The following EZH1 variants were observed in gnomAD, a reference collection of about 807,000 sequenced individuals.
EZH1 encodes the protein histone-lysine N-methyltransferase EZH1.
A neutral mutation model predicts 100.5 loss-of-function variants in EZH1; 33 were observed. The observed-to-expected ratio is 0.33, with a 90% confidence interval of 0.25 to 0.44. EZH1 has a LOEUF of 0.44. EZH1 is among the 20% of genes least tolerant of loss of function. EZH1 has a pLI of 1.00. For missense variants in EZH1, 475 were observed against 928.4 expected (o/e 0.51, Z 6.35); for synonymous variants, 272 against 313.8 (o/e 0.87, Z 1.41).
At chr17:42,707,303 C>T (rs1382941421) in intron 15 of EZH1, among the ~76,000 whole-genome samples, 1 of 152,044 alleles carries the variant, frequency 6.6e-6, no homozygotes, top group Non-Finnish European at 1.5e-5. Flanking sequence ...CTCTGTTGCC[C>T]AGGCTGGAGT....
intron 1 of EZH1, among the ~76,000 whole-genome samples, chr17:42,733,548 G>A (rs2053998624): frequency 6.6e-6 from 1 of 151,088 alleles, no homozygotes; most frequent in African/African-American, 2.4e-5. Flanking sequence ...GGCTGAGGCA[G>A]GAGACAGCCG....
Position 42,718,219 on chromosome 17 carries a change from A to G in EZH1, c.932-152T>C. On this transcript the variant is annotated intron_variant, in intron 9 of 20. Transcript: ENST00000428826. The surrounding 1 kb of genome is among the most constrained non-coding windows in gnomAD (Gnocchi z 4.2). ...CAAAATTCAGTCATTTCTGACATCAACACAATGCTTTCAAAGCTAAGAGGT... is the reference window on the plus strand; with the variant it reads ...CAAAATTCAGTCATTTCTGACATCAGCACAATGCTTTCAAAGCTAAGAGGT... The G allele has an allele frequency of 1.2e-6, 1 of 851,152 alleles. No homozygotes were observed. Among genetic ancestry groups the G allele is most frequent in the Non-Finnish European group, 1.8e-6 (1 of 548,764 alleles). The allele number at this position is 851,152 out of a possible 1,614,324, so 52.7% of individuals were successfully genotyped here.
Position 42,718,171 on chromosome 17 carries a change from T to A in EZH1, c.932-104A>T. 9.3e-7 allele frequency: 1 copy of A among 1,074,982 alleles called. No homozygotes were observed. The highest frequency in any genetic ancestry group is 1.4e-6 in the Non-Finnish European group (1 of 726,044). The allele number at this position is 1,074,982 out of a possible 1,614,324, so 66.6% of individuals were successfully genotyped here. A position where few individuals can be genotyped will look rare whatever the true frequency, so the allele number is the denominator to read the frequency against. On this transcript the variant is annotated intron_variant, in intron 9 of 20. Transcript: ENST00000428826. This position sits in a 1 kb window ranked among gnomAD's most constrained non-coding sequence, Gnocchi z 4.2. ...CTATTGTAGGAGTTAGAATTCGATA[T>A]AAACGGCTACCATCAGGGTGCACAA...
intron 14 of EZH1, 140 bp from the exon 15 acceptor site, chr17:42,708,223 A>T: frequency 1.0e-6 from 1 of 1,000,494 alleles, no homozygotes; most frequent in South Asian, 1.7e-5. Flanking sequence ...TGAAGTGAGA[A>T]GACAGGGATG....
chr17:42,709,226 A>C, intron 13 of EZH1: 21 of 323,272 alleles, frequency 6.5e-5, no homozygotes, highest in East Asian at 2.1e-4. Flanking sequence ...TTCTCTCCAA[A>C]TCTCTCCCTT....
At position 42,719,223 on chromosome 17, in the gene EZH1, TAAA is replaced by T. The variant is rs1196358760; in HGVS notation, c.665-19_665-17del. ...TTTTTGTTGCCTGAATTGGAAATGA[TAAA>T]AAGCTCCTGAGTGCGATTATCAGAA... On this transcript the variant is annotated splice_polypyrimidine_tract_variant and intron_variant, in intron 7 of 20. Coordinates refer to ENST00000428826, the MANE Select transcript of EZH1 (RefSeq NM_001991.5). 6.3e-7 allele frequency: 1 copy of T among 1,594,576 alleles called. No homozygotes were observed. Among genetic ancestry groups the T allele is most frequent in the South Asian group, 1.1e-5 (1 of 90,624 alleles).
chr17:42,733,712 C>T (rs1196422764), intron 1 of EZH1, among the ~76,000 whole-genome samples: 1 of 148,912 alleles, frequency 6.7e-6, no homozygotes, highest in East Asian at 2.0e-4. Context: ...AAGGCTGAGG[C>T]AGGCAGATCA....
At chr17:42,735,428 G>A (rs2054047236) in intron 1 of EZH1, among the ~76,000 whole-genome samples, 1 of 151,842 alleles carries the variant, frequency 6.6e-6, no homozygotes. Flanking sequence ...CAGATTTGGA[G>A]AGATGGATTC....
At chr17:42,720,241 A>T in intron 7 of EZH1, 32 bp downstream of exon 7, 1 of 1,585,710 alleles carries the variant, frequency 6.3e-7, no homozygotes, top group Non-Finnish European at 8.6e-7. Context: ...CTGTCACTTT[A>T]AAAAAGGAAT....
chr17:42,702,466 AGTG>A lies in EZH1; in HGVS notation c.*63_*65del. ...ACACAGTGCAGGAGACTCGAGCAGCAGTGGTGTGAGCACGAAAGCCAAGACAGT... is the reference window on the plus strand; with the variant it reads ...ACACAGTGCAGGAGACTCGAGCAGCAGTGTGAGCACGAAAGCCAAGACAGT... On this transcript the variant is annotated 3_prime_UTR_variant, in exon 21 of 21. Coordinates refer to ENST00000428826, the MANE Select transcript of EZH1 (RefSeq NM_001991.5). The A allele has an allele frequency of 7.5e-7, 1 of 1,329,756 alleles. No individual in the cohort carries two copies. The highest frequency in any genetic ancestry group is 1.1e-6 in the Non-Finnish European group (1 of 951,902). 82.4% of individuals were successfully genotyped at this position (1,329,756 alleles called of 1,614,324 possible). A position where few individuals can be genotyped will look rare whatever the true frequency, so the allele number is the denominator to read the frequency against.
chr17:42,720,184 C>A (rs2053679102), intron 7 of EZH1, 89 bp downstream of exon 7: 2 of 1,403,324 alleles, frequency 1.4e-6, no homozygotes, highest in South Asian at 2.8e-5. Context: ...GCACCAACAG[C>A]CTTTAATAGG....
At chr17:42,712,557 C>T (rs1044898833) in intron 11 of EZH1, 72 bp from the exon 12 acceptor site, 3 of 1,371,472 alleles carry the variant, frequency 2.2e-6, no homozygotes, top group East Asian at 2.3e-5. Flanking sequence ...GTCACAAACT[C>T]AGAAGTACTT....
chr17:42,744,645 A>G, intron 1 of EZH1, among the ~76,000 whole-genome samples: 1 of 152,070 alleles, frequency 6.6e-6, no homozygotes, highest in East Asian at 1.9e-4. Context: ...CCACCTCGCT[A>G]AAGGCCCCCG....
chr17:42,744,313 A>G (rs1317473013), intron 1 of EZH1, among the ~76,000 whole-genome samples: 7 of 152,170 alleles, frequency 4.6e-5, no homozygotes, highest in Non-Finnish European at 1.0e-4. Context: ...TTTTATTTAT[A>G]TCATTTGATC....
intron 12 of EZH1, 145 bp from the exon 13 acceptor site, chr17:42,710,082 C>T: frequency 1.5e-6 from 1 of 661,244 alleles, no homozygotes; most frequent in South Asian, 1.8e-5. Context: ...CAGAGTGCCA[C>T]TGGAACATTG....
intron 4 of EZH1, 179 bp from the exon 5 acceptor site, chr17:42,724,603 G>A (rs2053780874): frequency 1.9e-6 from 1 of 539,018 alleles, no homozygotes; most frequent in Non-Finnish European, 3.3e-6. Flanking sequence ...CCAACATGGT[G>A]AAACCCCATC....
intron 2 of EZH1, 44 bp downstream of exon 2, chr17:42,730,784 C>T: frequency 2.1e-6 from 2 of 932,196 alleles, no homozygotes; most frequent in Non-Finnish European, 2.6e-6. Flanking sequence ...GCGTGAGCCA[C>T]CGCGCCCGGC....
chr17:42,740,049 GTTTAAT>G (rs924723092), intron 1 of EZH1, among the ~76,000 whole-genome samples: 1 of 151,814 alleles, frequency 6.6e-6, no homozygotes, highest in Non-Finnish European at 1.5e-5. Flanking sequence ...TATAACTCTG[GTTTAAT>G]TTTATTTCAT....
intron 5 of EZH1, 25 bp downstream of exon 5, chr17:42,724,280 C>A (rs374335705): frequency 6.2e-7 from 1 of 1,612,498 alleles, no homozygotes; most frequent in Non-Finnish European, 8.5e-7. Flanking sequence ...GTTTAAATAA[C>A]CACCACAGTG....
Sources: gnomAD v4.1 joint callset for allele counts (sites outside exome capture counted in the v4.1 genomes callset) on GRCh38, gnomAD v4.1.1 for gene constraint, Gnocchi (gnomAD v3.1) non-coding constraint, MANE v1.5 for transcripts, NCBI Gene and HGNC (gene_info 2026-07-23, HGNC 2026-07-21) for gene names.